ZDHHC2: variants seen among roughly 807,000 people sequenced by gnomAD.
The protein encoded by ZDHHC2 is zDHHC palmitoyltransferase 2.
A neutral mutation model predicts 55.6 loss-of-function variants in ZDHHC2; 51 were observed. The ratio of observed to expected loss-of-function variants is 0.92; its 90% CI spans 0.73 to 1.16. The LOEUF (loss-of-function observed/expected upper bound fraction) is 1.16, where lower values mean the gene tolerates loss of function less well. Ranked by LOEUF, ZDHHC2 falls within the 50% of genes most tolerant of loss-of-function variation. The pLI is 0.00. For missense variants in ZDHHC2, 491 were observed against 442.4 expected (o/e 1.11, Z -0.99); for synonymous variants, 199 against 152.9 (o/e 1.30, Z -2.22).
chr8:17,162,153 A>G (rs1804379635), intron 1 of ZDHHC2, among the ~76,000 whole-genome samples: 1 of 152,210 alleles, frequency 6.6e-6, no homozygotes, highest in South Asian at 2.1e-4. Context: ...AGTGTGTCAG[A>G]GACTTCCTTT....
At chr8:17,219,854 T>G (rs1253345769) in intron 12 of ZDHHC2, among the ~76,000 whole-genome samples, 1 of 152,202 alleles carries the variant, frequency 6.6e-6, no homozygotes, top group Admixed American at 6.5e-5. Context: ...CTAAATGTCC[T>G]TCCTGACTCA....
At chr8:17,199,558 C>CTTCGTCTTT (rs1563161356) in intron 6 of ZDHHC2, among the ~76,000 whole-genome samples, 1 of 80,216 alleles carries the variant, frequency 1.2e-5, no homozygotes, top group African/African-American at 3.2e-5. Flanking sequence ...TCTTCGTCTT[C>CTTCGTCTTT]GTCTTCTTCG....
chr8:17,214,588 C>T (rs913441769), intron 10 of ZDHHC2, among the ~76,000 whole-genome samples: 3 of 152,036 alleles, frequency 2.0e-5, no homozygotes, highest in Admixed American at 6.6e-5. Context: ...ATGAGAAACT[C>T]GCGTAACTTT....
chr8:17,180,265 A>C (rs1189663836), intron 1 of ZDHHC2, among the ~76,000 whole-genome samples: 1 of 152,218 alleles, frequency 6.6e-6, no homozygotes, highest in Admixed American at 6.5e-5. Flanking sequence ...TGGCACATCA[A>C]GATCGAAGTT....
intron 6 of ZDHHC2, among the ~76,000 whole-genome samples, chr8:17,202,159 G>A (rs557017979): frequency 6.6e-6 from 1 of 152,290 alleles, no homozygotes; most frequent in African/African-American, 2.4e-5. Context: ...TGCCGGTTAT[G>A]TTCTAGAGGC....
chr8:17,156,782 G>T lies in ZDHHC2; in HGVS notation c.59G>T (p.Trp20Leu). ...CGGCGGTGCCGGCGGGTGCTGTACT[G>T]GATCCCGGTGGTGTTCATCACCCTC... is the stretch of plus-strand genomic sequence containing the variant. ...ARRRCRRVLYWIPVVFITLLL... is the reference protein window; with the variant it reads ...ARRRCRRVLYLIPVVFITLLL... Residue 20 changes from tryptophan (W) to leucine (L), a missense_variant, in exon 1 of 13, where the codon TGG (tryptophan) becomes TTG (leucine). Physicochemically the swap from Trp to Leu is moderately conservative, Grantham distance 61 (BLOSUM62 -2). Coordinates refer to ENST00000262096, the MANE Select transcript of ZDHHC2 (RefSeq NM_016353.5). 1 of 1,519,978 alleles carries T rather than the reference G, an allele frequency of 6.6e-7. No homozygotes were observed. The highest frequency in any genetic ancestry group is 8.8e-7 in the Non-Finnish European group (1 of 1,132,798). The allele number at this position is 1,519,978 out of a possible 1,614,324, so 94.2% of individuals were successfully genotyped here. A position where few individuals can be genotyped will look rare whatever the true frequency, so the allele number is the denominator to read the frequency against.
chr8:17,195,430 C>T (rs562561572), intron 3 of ZDHHC2, 74 bp from the exon 4 acceptor site: 53 of 1,462,076 alleles, frequency 3.6e-5, no homozygotes, highest in Admixed American at 1.1e-4. Context: ...TACCCTTTTC[C>T]GGGTATGGTA....
intron 7 of ZDHHC2, among the ~76,000 whole-genome samples, chr8:17,207,237 C>T (rs931963816): frequency 6.6e-6 from 1 of 152,166 alleles, no homozygotes; most frequent in Admixed American, 6.5e-5. Flanking sequence ...AGCCATGGTG[C>T]TTCGATAGGT....
intron 1 of ZDHHC2, among the ~76,000 whole-genome samples, chr8:17,166,836 A>C (rs1052470370): frequency 6.6e-6 from 1 of 152,190 alleles, no homozygotes; most frequent in African/African-American, 2.4e-5. Context: ...CAATGTGCAC[A>C]TTGAACCCTT....
intron 1 of ZDHHC2, among the ~76,000 whole-genome samples, chr8:17,171,513 C>T (rs1210422467): frequency 1.3e-5 from 2 of 152,076 alleles, no homozygotes; most frequent in Admixed American, 1.3e-4. Flanking sequence ...CGTCTTTATT[C>T]CTTTTTCAGA....
At chr8:17,165,579 C>T (rs1283640986) in intron 1 of ZDHHC2, among the ~76,000 whole-genome samples, 1 of 152,142 alleles carries the variant, frequency 6.6e-6, no homozygotes, top group African/African-American at 2.4e-5. Context: ...TTTTAACCGT[C>T]CATAATTCAT....
intron 3 of ZDHHC2, among the ~76,000 whole-genome samples, chr8:17,187,409 GT>G (rs1235054219): frequency 1.3e-5 from 2 of 150,958 alleles, no homozygotes; most frequent in East Asian, 1.9e-4. Context: ...AGTAAGCCAA[GT>G]TTAAAAAAAA....
intron 1 of ZDHHC2, among the ~76,000 whole-genome samples, chr8:17,159,181 G>C (rs918270164): frequency 1.3e-5 from 2 of 152,152 alleles, no homozygotes; most frequent in African/African-American, 4.8e-5. Flanking sequence ...CCTTTTCACA[G>C]ACAAAGCAAA....
intron 3 of ZDHHC2, among the ~76,000 whole-genome samples, chr8:17,191,226 C>T (rs1806010826): frequency 6.6e-6 from 1 of 151,892 alleles, no homozygotes; most frequent in Non-Finnish European, 1.5e-5. Flanking sequence ...TCCCAAACTG[C>T]TGGGATTACA....
rs192238683 is a variant in ZDHHC2, at chr8:17,164,201, G to C, written c.130+7348G>C. On this transcript the variant is annotated intron_variant, in intron 1 of 12. Transcript: ENST00000262096. ...TTTTCCTAATTTGACTTTTTATCTG[G>C]CCATGACTTTTAAATTCAGTTATAA... Among the ~76,000 whole-genome samples, 31 of 152,098 alleles carry C rather than the reference G, an allele frequency of 2.0e-4. No individual in the cohort carries two copies. The East Asian group carries it at 5.8e-3, about 28-fold the overall frequency.
chr8:17,211,334 A>G (rs1807377162), intron 10 of ZDHHC2, among the ~76,000 whole-genome samples: 2 of 152,142 alleles, frequency 1.3e-5, no homozygotes, highest in Non-Finnish European at 2.9e-5. Context: ...CTGCAGTGCC[A>G]CATACACAGT....
At chr8:17,199,593 T>C (rs1563161593) in intron 6 of ZDHHC2, among the ~76,000 whole-genome samples, 51 of 50,142 alleles carry the variant, frequency 1.0e-3, no homozygotes, top group Non-Finnish European at 3.4e-3. Flanking sequence ...TTCTTCTTTC[T>C]TCTTCTTTAT....
intron 12 of ZDHHC2, among the ~76,000 whole-genome samples, chr8:17,219,322 C>T (rs1185719005): frequency 7.6e-6 from 1 of 130,740 alleles, no homozygotes; most frequent in East Asian, 2.4e-4. Flanking sequence ...TTTTGAACTA[C>T]AATAGTAAAT....
intron 1 of ZDHHC2, among the ~76,000 whole-genome samples, chr8:17,171,984 C>G (rs1409482073): frequency 1.3e-5 from 2 of 151,882 alleles, no homozygotes; most frequent in Non-Finnish European, 2.9e-5. Flanking sequence ...CAAGCTGACT[C>G]CCAGCACATC....
Sources: allele counts gnomAD v4.1 joint callset (sites outside exome capture counted in the v4.1 genomes callset), GRCh38; gene constraint gnomAD v4.1.1; transcripts MANE v1.5; gene names NCBI Gene and HGNC (gene_info 2026-07-23, HGNC 2026-07-21).